CHLSN: variants seen among roughly 807,000 people sequenced by gnomAD.
The protein encoded by CHLSN is cholesin, also known as protein cholesin.
At chr7:987,933 TG>T in the CHLSN span, among the ~76,000 whole-genome samples, 25 of 135,760 alleles carry the variant, frequency 1.8e-4, no homozygotes, top group Middle Eastern at 3.9e-3. Context: ...CTGTGTGTCC[TG>T]GGGGGGTCCC....
At chr7:1,091,876 T>C in the CHLSN span, 1 of 1,613,806 alleles carries the variant, frequency 6.2e-7, no homozygotes, top group African/African-American at 1.3e-5. Context: ...AGGTGAGCTC[T>C]CGGAGCACCA....
chr7:992,117 C>G, the CHLSN span, among the ~76,000 whole-genome samples: 1 of 152,176 alleles, frequency 6.6e-6, no homozygotes, highest in South Asian at 2.1e-4. Flanking sequence ...CCCCATGGCT[C>G]ACGACGTGGC....
At chr7:982,831 G>A in the CHLSN span, among the ~76,000 whole-genome samples, 6 of 152,244 alleles carry the variant, frequency 3.9e-5, no homozygotes, top group South Asian at 2.1e-4. Flanking sequence ...CCAAGCCAGG[G>A]CCTCGGCCCC....
chr7:1,057,951 C>T, the CHLSN span: 2 of 772,782 alleles, frequency 2.6e-6, no homozygotes, highest in East Asian at 4.8e-5. Context: ...CAACACGCGG[C>T]ACGTGTGCGG....
At chr7:1,006,981 C>T in the CHLSN span, among the ~76,000 whole-genome samples, 3 of 152,334 alleles carry the variant, frequency 2.0e-5, no homozygotes, top group African/African-American at 7.2e-5. Context: ...GCCAAGGTCA[C>T]CGTGTGGGGA....
chr7:1,007,321 C>A, the CHLSN span, among the ~76,000 whole-genome samples: 1 of 152,242 alleles, frequency 6.6e-6, no homozygotes, highest in East Asian at 1.9e-4. Flanking sequence ...AGGGCCTCTG[C>A]AGGGGGAGGA....
the CHLSN span, among the ~76,000 whole-genome samples, chr7:1,114,352 G>A: frequency 6.6e-6 from 1 of 152,256 alleles, no homozygotes; most frequent in African/African-American, 2.4e-5. Context: ...CTCAGACGCA[G>A]GTCCTAAGCT....
the CHLSN span, among the ~76,000 whole-genome samples, chr7:1,035,468 C>T: frequency 7.2e-5 from 11 of 152,212 alleles, no homozygotes; most frequent in Non-Finnish European, 1.3e-4. Context: ...GCTGGAACAA[C>T]GGGATGTCCA....
At chr7:1,023,148 CGT>C in the CHLSN span, 1 of 373,920 alleles carries the variant, frequency 2.7e-6, no homozygotes, top group Non-Finnish European at 5.4e-6. The surrounding 1 kb of genome is among the most constrained non-coding windows in gnomAD (Gnocchi z 5.0). Flanking sequence ...GTTTTAAACG[CGT>C]GAGGTCTGAT....
the CHLSN span, chr7:1,058,134 C>T: frequency 1.3e-6 from 1 of 750,736 alleles, no homozygotes. Flanking sequence ...CCTCTACGCG[C>T]TGGTGCTACT....
chr7:1,127,428 AG>A, the CHLSN span: 1 of 1,568,010 alleles, frequency 6.4e-7, no homozygotes, highest in Non-Finnish European at 8.6e-7. Flanking sequence ...AGGAAATGAA[AG>A]GCTTAACTCA....
At chr7:1,053,701 C>T in the CHLSN span, among the ~76,000 whole-genome samples, 1 of 152,314 alleles carries the variant, frequency 6.6e-6, no homozygotes, top group East Asian at 1.9e-4. Context: ...GTGGCAGTCG[C>T]CTGTAATCCC....
the CHLSN span, chr7:1,093,035 C>T: frequency 1.3e-4 from 97 of 720,674 alleles, no homozygotes; most frequent in African/African-American, 1.1e-3. Flanking sequence ...GGAAACCTCA[C>T]GACTGGTCAC....
At chr7:1,071,191 ATTTAAGTCAATCT>A in the CHLSN span, among the ~76,000 whole-genome samples, 2 of 152,268 alleles carry the variant, frequency 1.3e-5, no homozygotes, top group Non-Finnish European at 2.9e-5. Context: ...CTGGTATCAA[ATTTAAGTCAATCT>A]TTTAATGACC....
the CHLSN span, chr7:986,569 A>T: frequency 6.3e-7 from 1 of 1,590,766 alleles, no homozygotes; most frequent in African/African-American, 1.3e-5. Context: ...CCGCCTGCCC[A>T]GCGTGCAGCC....
the CHLSN span, among the ~76,000 whole-genome samples, chr7:995,363 C>T: frequency 4.6e-5 from 7 of 152,336 alleles, no homozygotes; most frequent in Non-Finnish European, 8.8e-5. Flanking sequence ...ACTCCCCAGC[C>T]GGTGTCAGGG....
the CHLSN span, among the ~76,000 whole-genome samples, chr7:1,133,868 A>G: frequency 6.6e-6 from 1 of 152,144 alleles, no homozygotes; most frequent in African/African-American, 2.4e-5. Flanking sequence ...ACACAGTGGC[A>G]TAATCACAGC....
chr7:1,109,003 C>A, the CHLSN span, among the ~76,000 whole-genome samples: 1 of 150,500 alleles, frequency 6.6e-6, no homozygotes, highest in African/African-American at 2.5e-5. Context: ...TCAAGCGATT[C>A]TCCTGCCTCA....
the CHLSN span, among the ~76,000 whole-genome samples, chr7:1,108,895 A>ATTTT: frequency 2.0e-4 from 26 of 129,504 alleles, 1 homozygote; most frequent in African/African-American, 6.8e-4. Context: ...TCTCCCAGGC[A>ATTTT]TTTTTTTTTT....
Sources: allele counts gnomAD v4.1 joint callset (sites outside exome capture counted in the v4.1 genomes callset), GRCh38; gene constraint gnomAD v4.1.1; non-coding constraint Gnocchi (gnomAD v3.1); transcripts MANE v1.5; gene names NCBI Gene and HGNC (gene_info 2026-07-23, HGNC 2026-07-21).